The following IDE variants were observed in gnomAD, a reference collection of about 807,000 sequenced individuals.
IDE encodes insulin-degrading enzyme.
In IDE, 58 loss-of-function variants were observed where a neutral mutation model predicts 133.2. The observed-to-expected ratio is 0.44, with a 90% CI of 0.35 to 0.54. The LOEUF (loss-of-function observed/expected upper bound fraction) is 0.54. Among genes scored for constraint, IDE ranks in the 20% least tolerant of loss-of-function variants. The probability of loss-of-function intolerance (pLI) is 0.00; values close to 1 mark genes in which losing one functional copy is unlikely to be tolerated. For missense variants in IDE, 981 were observed against 1,234.0 expected, an observed-to-expected ratio of 0.79 and a Z score of 3.07; for synonymous variants, 396 against 421.3, an observed-to-expected ratio of 0.94 and a Z score of 0.73.
intron 1 of IDE, among the ~76,000 whole-genome samples, chr10:92,563,001 A>G (rs1257456532): frequency 6.6e-6 from 1 of 152,216 alleles, no homozygotes; most frequent in Non-Finnish European, 1.5e-5. Context: ...CTGTAATCCC[A>G]GCACTTTGGG....
chr10:92,492,911 G>A (rs920187179), intron 11 of IDE, among the ~76,000 whole-genome samples: 1 of 152,086 alleles, frequency 6.6e-6, no homozygotes, highest in Admixed American at 6.6e-5. Flanking sequence ...TCTGCTTTTC[G>A]GTAGATATCC....
intron 5 of IDE, among the ~76,000 whole-genome samples, chr10:92,510,733 G>GTATGAAATATAGCACATACATCTCACATA (rs1564635431): frequency 1.5e-5 from 2 of 134,884 alleles, no homozygotes; most frequent in African/African-American, 5.7e-5. Flanking sequence ...CATCTCACAT[G>GTATGAAATATAGCACATACATCTCACATA]TATGAAATAT....
intron 1 of IDE, among the ~76,000 whole-genome samples, chr10:92,561,415 G>A (rs1267039180): frequency 2.6e-5 from 4 of 151,928 alleles, no homozygotes; most frequent in Non-Finnish European, 5.9e-5. Context: ...GATAATCTTC[G>A]TAAACTTTAA....
intron 4 of IDE, among the ~76,000 whole-genome samples, chr10:92,529,771 GATTT>G (rs1046653488): frequency 1.1e-4 from 16 of 152,048 alleles, no homozygotes; most frequent in African/African-American, 2.4e-4. Context: ...TTATTCACTG[GATTT>G]ATTTCTGGAA....
At chr10:92,483,071 T>C (rs2135424313) in intron 14 of IDE, among the ~76,000 whole-genome samples, 184 bp downstream of exon 14, 2 of 152,316 alleles carry the variant, frequency 1.3e-5, no homozygotes, top group South Asian at 4.1e-4. Flanking sequence ...TGAGCCACCG[T>C]GCCCGGCCAA....
intron 17 of IDE, among the ~76,000 whole-genome samples, chr10:92,470,856 A>G (rs1452384339): frequency 6.6e-6 from 1 of 152,162 alleles, no homozygotes; most frequent in African/African-American, 2.4e-5. Context: ...CATGAAGTTG[A>G]TATGTTGTAG....
intron 14 of IDE, among the ~76,000 whole-genome samples, chr10:92,480,127 T>C (rs1846519615): frequency 6.6e-6 from 1 of 152,242 alleles, no homozygotes; most frequent in African/African-American, 2.4e-5. Flanking sequence ...CTAAACTTCA[T>C]TTCCCAGATA....
At chr10:92,504,336 G>A (rs1302164385) in intron 11 of IDE, among the ~76,000 whole-genome samples, 1 of 152,074 alleles carries the variant, frequency 6.6e-6, no homozygotes, top group East Asian at 1.9e-4. Context: ...TGATTTCCAG[G>A]TTAACCACTG....
intron 1 of IDE, among the ~76,000 whole-genome samples, chr10:92,542,585 C>T (rs568143364): frequency 1.3e-5 from 2 of 152,340 alleles, no homozygotes; most frequent in South Asian, 2.1e-4. Flanking sequence ...ACACTACACC[C>T]AGCCCAGGTC....
At chr10:92,566,229 T>C (rs1843540470) in intron 1 of IDE, among the ~76,000 whole-genome samples, 1 of 149,118 alleles carries the variant, frequency 6.7e-6, no homozygotes, top group African/African-American at 2.5e-5. Context: ...TAGCCAGGTA[T>C]GGTGGTATGT....
At chr10:92,513,045 G>A (rs1218118903) in intron 5 of IDE, among the ~76,000 whole-genome samples, 1 of 152,128 alleles carries the variant, frequency 6.6e-6, no homozygotes, top group African/African-American at 2.4e-5. Flanking sequence ...CTAAGTAAGT[G>A]GTATATTTGG....
intron 4 of IDE, among the ~76,000 whole-genome samples, chr10:92,522,399 T>C (rs953991651): frequency 6.6e-5 from 10 of 152,196 alleles, no homozygotes; most frequent in African/African-American, 9.6e-5. Context: ...AACATAGGCT[T>C]TGAGTTCAGA....
intron 20 of IDE, among the ~76,000 whole-genome samples, chr10:92,464,286 A>G (rs1414868741): frequency 1.3e-5 from 2 of 152,134 alleles, no homozygotes; most frequent in African/African-American, 2.4e-5. Context: ...ACTCTCTGTG[A>G]GTTAATCCTC....
chr10:92,572,297 G>C (rs1164600324), intron 1 of IDE, among the ~76,000 whole-genome samples: 2 of 152,156 alleles, frequency 1.3e-5, no homozygotes, highest in African/African-American at 4.8e-5. Flanking sequence ...ACACAAAAGA[G>C]GACAAAAGGA....
chr10:92,511,185 T>G (rs145109691), intron 5 of IDE, among the ~76,000 whole-genome samples: 14,887 of 146,568 alleles, frequency 0.1, 851 homozygotes, highest in South Asian at 0.17. Flanking sequence ...AACTGCAACC[T>G]CTGCCTCCCA....
chr10:92,508,808 T>C lies in IDE; in HGVS notation c.980A>G (p.Lys327Arg), dbSNP rs761072265. ...ACCAAGATAATGACCAGGATTTGATTTGTAGTATTTCTGAAGGTCAGGTAT... is the reference window on the plus strand; with the variant it reads ...ACCAAGATAATGACCAGGATTTGATCTGTAGTATTTCTGAAGGTCAGGTAT... ...FPIPDLQKYY[K>R]SNPGHYLGHL... is the part of the protein sequence containing the mutation. Residue 327 changes from lysine (K) to arginine (R), a missense_variant, in exon 7 of 25, where the codon AAA becomes AGA. Lys to Arg is a conservative substitution (Grantham distance 26). Coordinates refer to ENST00000265986, the MANE Select transcript of IDE (RefSeq NM_004969.4). The C allele has an allele frequency of 7.4e-6, 12 of 1,613,342 alleles. No homozygotes were observed. The highest frequency in any genetic ancestry group is 1.7e-5 in the Admixed American group (1 of 59,992).
At chr10:92,565,218 T>C (rs1843475606) in intron 1 of IDE, among the ~76,000 whole-genome samples, 1 of 141,184 alleles carries the variant, frequency 7.1e-6, no homozygotes, top group African/African-American at 2.7e-5. Context: ...CACTCCAGCC[T>C]GGGTGACAGA....
chr10:92,498,220 G>A (rs76169858), intron 11 of IDE, among the ~76,000 whole-genome samples: 4,431 of 152,240 alleles, frequency 0.029, 94 homozygotes, highest in Non-Finnish European at 0.048. Context: ...GAGGTTTCAC[G>A]TAAGTGATTC....
At chr10:92,500,297 CAA>C (rs768728745) in intron 11 of IDE, among the ~76,000 whole-genome samples, 5 of 94,172 alleles carry the variant, frequency 5.3e-5, no homozygotes, top group Admixed American at 2.2e-4. Flanking sequence ...AACTCCATCT[CAA>C]AAAAAAAAAA....
Sources: gnomAD v4.1 joint callset for allele counts (sites outside exome capture counted in the v4.1 genomes callset) on GRCh38, gnomAD v4.1.1 for gene constraint, MANE v1.5 for transcripts, NCBI Gene and HGNC (gene_info 2026-07-23, HGNC 2026-07-21) for gene names.